SCFD2: variants seen among roughly 807,000 people sequenced by gnomAD.
The protein encoded by SCFD2 is sec1 family domain containing 2, also known as sec1 family domain-containing protein 2.
Under a neutral mutation model 58.9 loss-of-function variants are expected in SCFD2, and 54 were observed. That is an observed-to-expected ratio of 0.92 (90% CI 0.74 to 1.15). The LOEUF (loss-of-function observed/expected upper bound fraction) is 1.15, where lower values mean the gene tolerates loss of function less well. Among genes scored for constraint, SCFD2 ranks in the 50% most tolerant of loss-of-function variants. SCFD2 has a pLI of 0.00. For synonymous variants in SCFD2, 321 were observed against 335.9 expected (o/e 0.96, Z 0.49); for missense variants, 805 against 836.6 (o/e 0.96, Z 0.47).
chr4:53,343,073 T>G (rs1378245425), intron 2 of SCFD2, among the ~76,000 whole-genome samples: 1 of 151,828 alleles, frequency 6.6e-6, no homozygotes, highest in Admixed American at 6.6e-5. Flanking sequence ...GCAAACACAT[T>G]CAAAAGCTAG....
intron 4 of SCFD2, among the ~76,000 whole-genome samples, chr4:53,177,930 T>C (rs1201730717): frequency 1.3e-5 from 2 of 152,150 alleles, no homozygotes; most frequent in African/African-American, 2.4e-5. Context: ...GAGATCAAAC[T>C]GCAAGGTGGC....
intron 2 of SCFD2, among the ~76,000 whole-genome samples, chr4:53,326,556 G>A (rs1462926897): frequency 5.3e-5 from 8 of 152,094 alleles, no homozygotes; most frequent in Admixed American, 3.9e-4. Context: ...ATGGGGGAAC[G>A]TTAGAGATAT....
intron 5 of SCFD2, among the ~76,000 whole-genome samples, chr4:53,139,333 A>G (rs1038287743): frequency 2.8e-5 from 4 of 141,578 alleles, no homozygotes; most frequent in Non-Finnish European, 4.6e-5. Flanking sequence ...CCGGCCGCCC[A>G]TCGTCTGGGA....
At chr4:53,299,407 A>C (rs1048702034) in intron 3 of SCFD2, among the ~76,000 whole-genome samples, 2 of 152,218 alleles carry the variant, frequency 1.3e-5, no homozygotes, top group African/African-American at 4.8e-5. Context: ...AAAGAATAAA[A>C]AGAAACGAAC....
chr4:52,915,451 C>T (rs913325970), intron 6 of SCFD2, among the ~76,000 whole-genome samples: 2 of 152,180 alleles, frequency 1.3e-5, no homozygotes, highest in Non-Finnish European at 2.9e-5. Flanking sequence ...TTCAAAATTG[C>T]TCATGGCTTT....
intron 2 of SCFD2, among the ~76,000 whole-genome samples, chr4:53,329,406 G>C (rs1376091468): frequency 6.6e-6 from 1 of 152,016 alleles, no homozygotes; most frequent in Non-Finnish European, 1.5e-5. Context: ...CTCAGAACGG[G>C]CAGACTGCCT....
At chr4:53,130,927 G>GC (rs911023156) in intron 5 of SCFD2, among the ~76,000 whole-genome samples, 5 of 152,180 alleles carry the variant, frequency 3.3e-5, no homozygotes, top group Admixed American at 6.5e-5. Flanking sequence ...TTGGGCGCCT[G>GC]CCCCAACTCT....
chr4:53,083,280 A>C (rs1724203722), intron 5 of SCFD2, among the ~76,000 whole-genome samples: 1 of 152,194 alleles, frequency 6.6e-6, no homozygotes. Flanking sequence ...TATAAACAGA[A>C]TCTTGGTAGA....
chr4:53,079,245 G>A (rs1315731652), intron 5 of SCFD2, among the ~76,000 whole-genome samples: 4 of 152,168 alleles, frequency 2.6e-5, no homozygotes, highest in African/African-American at 7.2e-5. Flanking sequence ...TGTCTGGGGG[G>A]CAGAAGATGG....
intron 5 of SCFD2, among the ~76,000 whole-genome samples, chr4:53,060,995 A>C (rs1477426510): frequency 6.6e-6 from 1 of 152,194 alleles, no homozygotes; most frequent in Non-Finnish European, 1.5e-5. Flanking sequence ...AATTACAAAA[A>C]TGCAGTGCAT....
At chr4:53,308,176 T>C (rs1049474118) in intron 3 of SCFD2, among the ~76,000 whole-genome samples, 1 of 152,222 alleles carries the variant, frequency 6.6e-6, no homozygotes, top group Non-Finnish European at 1.5e-5. Flanking sequence ...ATTTATACTA[T>C]TGGGAGCATT....
intron 3 of SCFD2, among the ~76,000 whole-genome samples, chr4:53,297,933 G>T (rs1732101398): frequency 6.6e-6 from 1 of 152,178 alleles, no homozygotes; most frequent in Non-Finnish European, 1.5e-5. Context: ...GGCTGGATAT[G>T]AAATTCTGGG....
At chr4:52,914,471 C>T (rs578139410) in intron 6 of SCFD2, among the ~76,000 whole-genome samples, 5 of 152,296 alleles carry the variant, frequency 3.3e-5, no homozygotes, top group Admixed American at 1.3e-4. Flanking sequence ...AGTAGCTCCT[C>T]AGTAGCTGCG....
At chr4:52,920,381 C>G (rs74924473) in intron 6 of SCFD2, among the ~76,000 whole-genome samples, 7,740 of 152,276 alleles carry the variant, frequency 0.051, 237 homozygotes, top group South Asian at 0.13. Context: ...CTTGGGAATC[C>G]TCTAAGGCCA....
intron 2 of SCFD2, 53 bp downstream of exon 2, chr4:53,352,545 A>T: frequency 6.8e-7 from 1 of 1,468,248 alleles, no homozygotes. Context: ...GTCTAGGAGA[A>T]AAAGAAAGGG....
At chr4:53,233,031 T>C (rs1007996488) in intron 4 of SCFD2, among the ~76,000 whole-genome samples, 2 of 152,148 alleles carry the variant, frequency 1.3e-5, no homozygotes, top group African/African-American at 2.4e-5. Flanking sequence ...AAGTCAGAAA[T>C]ACTCTAGGTA....
chr4:53,073,477 A>G (rs1205582565), intron 5 of SCFD2, among the ~76,000 whole-genome samples: 1 of 152,144 alleles, frequency 6.6e-6, no homozygotes, highest in Non-Finnish European at 1.5e-5. Flanking sequence ...TTTTGCCCCC[A>G]GCAGTAAATA....
intron 2 of SCFD2, among the ~76,000 whole-genome samples, chr4:53,331,106 G>T (rs1733444500): frequency 6.6e-6 from 1 of 151,540 alleles, no homozygotes; most frequent in African/African-American, 2.4e-5. Context: ...CAAGTCCTGA[G>T]TGACCTACAA....
At position 53,007,402 on chromosome 4, in the gene SCFD2, G is replaced by A. The variant is rs866191411; in HGVS notation, c.1562-86532C>T. On this transcript the variant is annotated intron_variant, in intron 5 of 8. Coordinates refer to ENST00000401642, the MANE Select transcript of SCFD2 (RefSeq NM_152540.4). ...GGAAGGAAAGAAGGAAGGAAGGAAG[G>A]AAGGGAGGGAGGGAGGGAGGGAGGG... Among the ~76,000 whole-genome samples, 59 of 110,400 alleles carry A rather than the reference G, an allele frequency of 5.3e-4. No individual in the cohort carries two copies. The Middle Eastern group carries it at 0.015, about 27-fold the overall frequency. The allele number at this position is 110,400 out of a possible 152,430, so 72.4% of individuals were successfully genotyped here.
Sources: allele counts gnomAD v4.1 joint callset (sites outside exome capture counted in the v4.1 genomes callset), GRCh38; gene constraint gnomAD v4.1.1; transcripts MANE v1.5; gene names NCBI Gene and HGNC (gene_info 2026-07-23, HGNC 2026-07-21).